The following TRPC7 variants were observed in gnomAD, a reference collection of about 807,000 sequenced individuals.
The protein encoded by TRPC7 is transient receptor potential cation channel subfamily C member 7, also known as short transient receptor potential channel 7.
A neutral mutation model predicts 90.1 loss-of-function variants in TRPC7; 42 were observed. The observed-to-expected ratio is 0.47, with a 90% CI of 0.36 to 0.60. The LOEUF (loss-of-function observed/expected upper bound fraction) is 0.60. TRPC7 is among the 20% of genes least tolerant of loss of function. The pLI is 0.00. For missense variants in TRPC7, 955 were observed against 1,112.3 expected, an observed-to-expected ratio of 0.86 and a Z score of 2.01; for synonymous variants, 451 against 436.3, an observed-to-expected ratio of 1.03 and a Z score of -0.42.
At chr5:136,236,777 G>A (rs765826805) in intron 7 of TRPC7, among the ~76,000 whole-genome samples, 1 of 152,124 alleles carries the variant, frequency 6.6e-6, no homozygotes, top group Non-Finnish European at 1.5e-5. Flanking sequence ...GAGGGTTCAG[G>A]GTGACAGGAA....
At chr5:136,331,981 G>A (rs1479054250) in intron 2 of TRPC7, among the ~76,000 whole-genome samples, 1 of 152,126 alleles carries the variant, frequency 6.6e-6, no homozygotes, top group African/African-American at 2.4e-5. Flanking sequence ...TTTATGCAGT[G>A]GCTGGGGGAA....
At chr5:136,254,242 G>A (rs1050414368) in intron 5 of TRPC7, among the ~76,000 whole-genome samples, 2 of 152,156 alleles carry the variant, frequency 1.3e-5, no homozygotes, top group Non-Finnish European at 2.9e-5. Flanking sequence ...AGTAAACCAC[G>A]GATTTTTGAT....
intron 5 of TRPC7, among the ~76,000 whole-genome samples, chr5:136,259,519 T>A (rs1270315350): frequency 6.6e-6 from 1 of 152,248 alleles, no homozygotes; most frequent in Non-Finnish European, 1.5e-5. Context: ...AGAAATCTCA[T>A]GCGTTATGGA....
In TRPC7 at chr5:136,302,059, C is replaced by G. The variant is rs1470186047; in HGVS notation, c.963+13538G>C. Among the ~76,000 whole-genome samples the G allele has an allele frequency of 2.0e-5, 3 of 152,242 alleles. No homozygotes were observed. The East Asian group carries it at 5.8e-4, about 29-fold the overall frequency. On this transcript the variant is annotated intron_variant, in intron 3 of 11. Coordinates refer to ENST00000513104, the MANE Select transcript of TRPC7 (RefSeq NM_020389.3). ...CTTTCTCCTTTCAGTCTTGGTACCA[C>G]ACTTCAATCTCACCCTTCTCTTAAT...
intron 2 of TRPC7, among the ~76,000 whole-genome samples, chr5:136,318,151 A>G (rs903225273): frequency 2.0e-5 from 3 of 152,188 alleles, no homozygotes; most frequent in African/African-American, 4.8e-5. Flanking sequence ...CCATTGATGA[A>G]CATCTCTTGG....
rs140533900 is a variant in TRPC7 at position 136,237,474 on chromosome 5, A to C, written c.1845-5925T>G. On this transcript the variant is annotated intron_variant, in intron 7 of 11. Transcript: ENST00000513104. ...AATTCAAAGTCAGCTGAATAAACGA[A>C]TGAATGAATCCCTAATGCATGTTTT... Among the ~76,000 whole-genome samples, 290 of 152,336 alleles carry C rather than the reference A, an allele frequency of 1.9e-3. 1 individual carries two copies. Among genetic ancestry groups the C allele is most frequent in the African/African-American group, 6.4e-3 (267 of 41,572 alleles).
intron 2 of TRPC7, among the ~76,000 whole-genome samples, chr5:136,335,893 G>C (rs2149849026): frequency 8.8e-6 from 1 of 114,240 alleles, no homozygotes; most frequent in African/African-American, 3.5e-5. Context: ...GACAGAGCGA[G>C]ACTCCGTCTC....
chr5:136,348,265 C>T (rs1580983128), intron 2 of TRPC7, among the ~76,000 whole-genome samples: 1 of 152,352 alleles, frequency 6.6e-6, no homozygotes, highest in East Asian at 1.9e-4. Flanking sequence ...ATCCATGTCA[C>T]CTGCCACTTC....
intron 1 of TRPC7, among the ~76,000 whole-genome samples, chr5:136,364,194 TAGC>T (rs1443046845): frequency 2.0e-5 from 3 of 152,240 alleles, no homozygotes; most frequent in Admixed American, 2.0e-4. Context: ...ATTCTGCAAT[TAGC>T]CTCAATGAGG....
At chr5:136,239,846 T>C (rs1756101898) in intron 7 of TRPC7, among the ~76,000 whole-genome samples, 1 of 152,228 alleles carries the variant, frequency 6.6e-6, no homozygotes, top group South Asian at 2.1e-4. Context: ...CTGTGATTAT[T>C]TGATTAACAT....
At chr5:136,308,662 C>G (rs1758727812) in intron 3 of TRPC7, among the ~76,000 whole-genome samples, 1 of 152,182 alleles carries the variant, frequency 6.6e-6, no homozygotes, top group African/African-American at 2.4e-5. Context: ...GTGTTCCTAC[C>G]CATGGTCACT....
intron 2 of TRPC7, among the ~76,000 whole-genome samples, chr5:136,331,564 ATTTC>A (rs1041330592): frequency 1.6e-4 from 24 of 152,298 alleles, no homozygotes; most frequent in African/African-American, 5.8e-4. Flanking sequence ...CTGGGGAAAC[ATTTC>A]TTTCCAAATA....
chr5:136,298,873 C>A (rs1034937253), intron 3 of TRPC7, among the ~76,000 whole-genome samples: 14 of 152,104 alleles, frequency 9.2e-5, no homozygotes, highest in African/African-American at 3.1e-4. Context: ...AATGAAAAAA[C>A]CCTTGTTTCA....
intron 3 of TRPC7, among the ~76,000 whole-genome samples, chr5:136,311,014 A>G (rs998005344): frequency 7.2e-5 from 11 of 152,128 alleles, no homozygotes; most frequent in Admixed American, 3.3e-4. Context: ...CAATATTCAC[A>G]CATTTTTCTT....
rs1281749026 is a variant in TRPC7 at position 136,264,110 on chromosome 5, G to A, written c.1345+2110C>T. The stretch of plus-strand genomic sequence containing the variant: ...TTCTGATTTAACAGTCTTGAATTCT[G>A]CTCTGAGGGTCAGAAGCAGGGACTA... On this transcript the variant is annotated intron_variant, in intron 5 of 11. Coordinates refer to ENST00000513104, the MANE Select transcript of TRPC7 (RefSeq NM_020389.3). Among the ~76,000 whole-genome samples the A allele has an allele frequency of 2.0e-5, 3 of 152,320 alleles. No homozygotes were observed. The South Asian group carries it at 6.2e-4, about 32-fold the overall frequency.
chr5:136,258,658 T>C (rs74706341), intron 5 of TRPC7, among the ~76,000 whole-genome samples: 1 of 152,360 alleles, frequency 6.6e-6, no homozygotes, highest in East Asian at 1.9e-4. Context: ...TTCTGAGTAA[T>C]GTCCTGCAGG....
At chr5:136,336,921 G>A (rs769646674) in intron 2 of TRPC7, among the ~76,000 whole-genome samples, 6 of 152,180 alleles carry the variant, frequency 3.9e-5, no homozygotes, top group Non-Finnish European at 7.3e-5. Context: ...ATGAACCACA[G>A]AATGGTGACA....
At chr5:136,304,640 T>C (rs962006602) in intron 3 of TRPC7, among the ~76,000 whole-genome samples, 10 of 152,156 alleles carry the variant, frequency 6.6e-5, no homozygotes, top group African/African-American at 2.2e-4. Flanking sequence ...CTGACACCCA[T>C]TAGGCTCAGC....
intron 3 of TRPC7, among the ~76,000 whole-genome samples, chr5:136,309,592 A>G (rs542040879): frequency 2.6e-5 from 4 of 152,164 alleles, no homozygotes; most frequent in Non-Finnish European, 4.4e-5. Flanking sequence ...ACTCTTCACT[A>G]TAAGTGGCGA....
Sources: allele counts gnomAD v4.1 joint callset (sites outside exome capture counted in the v4.1 genomes callset), GRCh38; gene constraint gnomAD v4.1.1; transcripts MANE v1.5; gene names NCBI Gene and HGNC (gene_info 2026-07-23, HGNC 2026-07-21).